Variants in MYO5A observed in about 807,000 individuals in gnomAD.
The protein encoded by MYO5A is myosin VA.
MYO5A carries 98 observed loss-of-function variants against 249.7 expected under a neutral mutation model. That is an observed-to-expected ratio of 0.39 (90% CI 0.33 to 0.46). The LOEUF is 0.46. MYO5A is among the 20% of genes least tolerant of loss of function. The pLI is 0.98. For synonymous variants in MYO5A, 778 were observed against 810.6 expected (o/e 0.96, Z 0.68); for missense variants, 1,696 against 2,308.8 (o/e 0.73, Z 5.44).
chr15:52,322,565 T>TA (rs2038381727), intron 37 of MYO5A, among the ~76,000 whole-genome samples: 1 of 152,210 alleles, frequency 6.6e-6, no homozygotes, highest in Non-Finnish European at 1.5e-5. Flanking sequence ...AGAGATGCTG[T>TA]AAGAATTAAT....
intron 24 of MYO5A, 27 bp from the exon 25 acceptor site, chr15:52,360,108 T>C (rs1435443497): frequency 1.4e-6 from 2 of 1,460,000 alleles, no homozygotes; most frequent in Admixed American, 3.4e-5. Flanking sequence ...CCAGGTATAA[T>C]TAATGCAACA....
intron 14 of MYO5A, among the ~76,000 whole-genome samples, chr15:52,385,850 C>T (rs1173262597): frequency 1.3e-5 from 2 of 152,134 alleles, no homozygotes; most frequent in African/African-American, 4.8e-5. Context: ...AGCCTCCAAG[C>T]TATGTTAGGT....
rs982780154 is a variant in MYO5A at position 52,323,366 on chromosome 15, T to C, written c.4789A>G (p.Ser1597Gly). 1.2e-6 allele frequency: 2 copies of C among 1,613,066 alleles called. No individual in the cohort carries two copies. The highest frequency in any genetic ancestry group is 2.7e-5 in the African/African-American group (2 of 75,024). ...CRFLHCLKQY[S>G]GEEGFMKHNT... ...CAAGGTTTTCTCACCTCTTCTCCAC[T>C]GTACTGTTTCAAGCAGTGCAAAAAT... is the stretch of plus-strand genomic sequence containing the variant. The change falls in exon 37 of 42, where the codon AGT becomes GGT. Residue 1597 changes from serine to glycine, a missense_variant. By Grantham distance (56) the Ser-to-Gly change is moderately conservative (BLOSUM62 0). This residue lies in a region of MYO5A where 625 missense variants were observed against 908.1 expected (regional missense o/e 0.69). Coordinates refer to ENST00000399233, the MANE Select transcript of MYO5A (RefSeq NM_001382347.1).
intron 11 of MYO5A, among the ~76,000 whole-genome samples, chr15:52,394,355 C>T (rs2042390388): frequency 6.6e-6 from 1 of 152,090 alleles, no homozygotes. Flanking sequence ...AATAATGAGG[C>T]AATTAGTAGT....
At chr15:52,499,022 T>G (rs1239040248) in intron 1 of MYO5A, among the ~76,000 whole-genome samples, 2 of 152,332 alleles carry the variant, frequency 1.3e-5, no homozygotes, top group African/African-American at 4.8e-5. Flanking sequence ...GAGCTACTAC[T>G]AGATTCTAGG....
intron 1 of MYO5A, among the ~76,000 whole-genome samples, chr15:52,475,232 T>C (rs1316028454): frequency 6.6e-6 from 1 of 152,232 alleles, no homozygotes; most frequent in Admixed American, 6.5e-5. Flanking sequence ...TCAGTGGTGA[T>C]ATCCCCTTTA....
At chr15:52,437,130 C>G (rs1466545692) in intron 1 of MYO5A, among the ~76,000 whole-genome samples, 1 of 152,182 alleles carries the variant, frequency 6.6e-6, no homozygotes, top group Non-Finnish European at 1.5e-5. Context: ...CCCAGGGACA[C>G]AGTCCATAAA....
intron 1 of MYO5A, among the ~76,000 whole-genome samples, chr15:52,492,745 T>C (rs2076959179): frequency 6.6e-6 from 1 of 152,220 alleles, no homozygotes; most frequent in Non-Finnish European, 1.5e-5. Context: ...ACAGTATGTC[T>C]GGGACTTGCT....
chr15:52,364,791 T>C (rs758685737), intron 23 of MYO5A, 89 bp from the exon 24 acceptor site: 161 of 1,488,264 alleles, frequency 1.1e-4, no homozygotes, highest in Non-Finnish European at 1.5e-4. Context: ...AGTTTCTCTG[T>C]AGGCAATTTT....
rs368041229 is a variant in MYO5A, at chr15:52,344,506, T to C, written c.3960-1309A>G. On this transcript the variant is annotated intron_variant, in intron 30 of 41. Transcript: ENST00000399233. ...ACATTCAATAAACCAAACAGCTTTC[T>C]GACTTCGTCTTCTTATGTATCTTTC... Among the ~76,000 whole-genome samples, 7 of 152,358 alleles carry C rather than the reference T, an allele frequency of 4.6e-5. No homozygotes were observed. The East Asian group carries it at 1.2e-3, about 25-fold the overall frequency.
At chr15:52,340,093 G>T in intron 32 of MYO5A, 103 bp downstream of exon 32, 1 of 1,182,396 alleles carries the variant, frequency 8.5e-7, no homozygotes, top group Non-Finnish European at 1.2e-6. Context: ...AGTACAGAGG[G>T]GTGAGTTTTT....
At chr15:52,469,583 T>TA (rs961335659) in intron 1 of MYO5A, among the ~76,000 whole-genome samples, 7 of 152,180 alleles carry the variant, frequency 4.6e-5, no homozygotes, top group African/African-American at 1.7e-4. Context: ...CAGGCACACT[T>TA]AGTGTAACTT....
intron 1 of MYO5A, among the ~76,000 whole-genome samples, chr15:52,462,312 G>A (rs977401037): frequency 1.3e-5 from 2 of 151,584 alleles, no homozygotes; most frequent in African/African-American, 4.8e-5. Context: ...TCTACTTTGT[G>A]GCATTAATAT....
intron 1 of MYO5A, among the ~76,000 whole-genome samples, chr15:52,436,024 T>C (rs1461610510): frequency 6.6e-6 from 1 of 152,198 alleles, no homozygotes; most frequent in African/African-American, 2.4e-5. Context: ...TTCAAGCGAT[T>C]CTCCTGCCTC....
chr15:52,371,927 C>T (rs2041143446), intron 21 of MYO5A, among the ~76,000 whole-genome samples, 197 bp downstream of exon 21: 1 of 150,000 alleles, frequency 6.7e-6, no homozygotes, highest in Non-Finnish European at 1.5e-5. Context: ...ATAATAACTT[C>T]CTGCCTTAGT....
At chr15:52,519,411 G>A (rs1161119528) in intron 1 of MYO5A, among the ~76,000 whole-genome samples, 4 of 151,988 alleles carry the variant, frequency 2.6e-5, no homozygotes, top group Admixed American at 6.6e-5. Context: ...CCAAAAGTTT[G>A]AGACTAGTCT....
chr15:52,455,147 A>G (rs1032378485), intron 1 of MYO5A, among the ~76,000 whole-genome samples: 23 of 152,090 alleles, frequency 1.5e-4, no homozygotes, highest in African/African-American at 5.3e-4. Flanking sequence ...AACTGAGACT[A>G]CAGAAATACA....
intron 4 of MYO5A, among the ~76,000 whole-genome samples, chr15:52,419,677 A>T (rs2043693216): frequency 6.6e-6 from 1 of 152,170 alleles, no homozygotes; most frequent in African/African-American, 2.4e-5. Context: ...TTTCCTAGAG[A>T]TACTTGCTGA....
At chr15:52,366,259 C>T (rs116872901) in intron 23 of MYO5A, among the ~76,000 whole-genome samples, 2,622 of 152,122 alleles carry the variant, frequency 0.017, 66 homozygotes, top group Non-Finnish European at 0.02. Flanking sequence ...TCTCAATATC[C>T]GTATTACTAA....
Sources: allele counts gnomAD v4.1 joint callset (sites outside exome capture counted in the v4.1 genomes callset), GRCh38; gene constraint gnomAD v4.1.1; regional missense constraint gnomAD v4.1.1; transcripts MANE v1.5; gene names NCBI Gene and HGNC (gene_info 2026-07-23, HGNC 2026-07-21).